Variants in LDHD observed in about 807,000 individuals in gnomAD.
The protein encoded by LDHD is lactate dehydrogenase D.
In LDHD, 58 loss-of-function variants were observed where a neutral mutation model predicts 52.9. The observed-to-expected ratio is 1.10, with a 90% confidence interval of 0.89 to 1.36. The LOEUF (loss-of-function observed/expected upper bound fraction) is 1.36, where lower values mean the gene tolerates loss of function less well. LDHD is among the 40% of genes most tolerant of loss of function. The probability of loss-of-function intolerance (pLI) is 0.00; values close to 1 mark genes in which losing one functional copy is unlikely to be tolerated. For missense variants in LDHD, 747 were observed against 668.0 expected (o/e 1.12, Z -1.30); for synonymous variants, 350 against 288.6 (o/e 1.21, Z -2.16).
chr16:75,115,533 C>T lies in LDHD; in HGVS notation c.185+15G>A. 1 of 1,608,086 alleles carries T rather than the reference C, an allele frequency of 6.2e-7. No homozygotes were observed. Among genetic ancestry groups the T allele is most frequent in the Non-Finnish European group, 8.5e-7 (1 of 1,175,660 alleles). On this transcript the variant is annotated intron_variant, in intron 2 of 10. Transcript: ENST00000450168. ...ATCCAGAAGACAGGGGAGGGGCCCGCGAACCCTCCCATACCTGTGCACCGA... is the reference window on the plus strand; with the variant it reads ...ATCCAGAAGACAGGGGAGGGGCCCGTGAACCCTCCCATACCTGTGCACCGA...
intron 1 of LDHD, 29 bp downstream of exon 1, chr16:75,116,620 T>A (rs985802823): frequency 6.3e-7 from 1 of 1,587,798 alleles, no homozygotes; most frequent in African/African-American, 1.3e-5. Context: ...ACCTCATCCC[T>A]CCAGAGGACT....
rs755437758 is a variant in LDHD at position 75,116,686 on chromosome 16, A to G, written c.35T>C (p.Leu12Pro). Residue 12 changes from leucine to proline, a missense_variant, in exon 1 of 11, where the codon CTG (leucine) becomes CCG (proline). Transcript: ENST00000450168. ...GGAGCAGTAGCCCCTCCAGGGGAACAGCTCCCAGGTTGCAGACCTGAGCAG... is the reference window on the plus strand; with the variant it reads ...GGAGCAGTAGCCCCTCCAGGGGAACGGCTCCCAGGTTGCAGACCTGAGCAG... ...ARLLRSATWE[L>P]FPWRGYCSQK... 1.2e-6 allele frequency: 2 copies of G among 1,603,598 alleles called. No homozygotes were observed. Among genetic ancestry groups the G allele is most frequent in the Non-Finnish European group, 8.5e-7 (1 of 1,175,834 alleles).
rs1233919146 is a variant in LDHD at position 75,114,170 on chromosome 16, G to C, written c.630-5C>G. 1.9e-6 allele frequency: 3 copies of C among 1,611,800 alleles called. No homozygotes were observed. The East Asian group carries it at 6.7e-5, about 36-fold the overall frequency. Reference sequence around the variant, plus strand: ...TTGTAGCCGGCTGCACTCTTCCTACGTCCCAGGGACACACAAGGTGAGTAC... The same window carrying C: ...TTGTAGCCGGCTGCACTCTTCCTACCTCCCAGGGACACACAAGGTGAGTAC... On this transcript the variant is annotated splice_polypyrimidine_tract_variant and splice_region_variant and intron_variant, in intron 5 of 10. Transcript: ENST00000450168.
chr16:75,112,973 G>C (rs1276696543), intron 8 of LDHD, 49 bp from the exon 9 acceptor site: 1 of 1,402,102 alleles, frequency 7.1e-7, no homozygotes, highest in African/African-American at 1.4e-5. Context: ...TGGGTGTACG[G>C]GGTCACCGTG....
chr16:75,116,694 G>A lies in LDHD; in HGVS notation c.27C>T (p.Thr9=). Residue 9 remains threonine, a synonymous_variant, in exon 1 of 11, where the codon ACC becomes ACT. Coordinates refer to ENST00000450168, the MANE Select transcript of LDHD (RefSeq NM_194436.3). MARLLRSA[T]WELFPWRGYC... is the part of the protein sequence containing the mutation. ...AGCCCCTCCAGGGGAACAGCTCCCAGGTTGCAGACCTGAGCAGTCGGGCCA... is the reference window on the plus strand; with the variant it reads ...AGCCCCTCCAGGGGAACAGCTCCCAAGTTGCAGACCTGAGCAGTCGGGCCA... 1.2e-6 allele frequency: 2 copies of A among 1,602,692 alleles called. No individual in the cohort carries two copies. The highest frequency in any genetic ancestry group is 8.5e-7 in the Non-Finnish European group (1 of 1,175,508).
At position 75,115,632 on chromosome 16, in the gene LDHD, G is replaced by A. The variant is rs1443900548; in HGVS notation, c.101C>T (p.Ala34Val). 2 of 1,611,606 alleles carry A rather than the reference G, an allele frequency of 1.2e-6. No individual in the cohort carries two copies. The highest frequency in any genetic ancestry group is 1.1e-5 in the South Asian group (1 of 90,884). The change falls in exon 2 of 11, where the codon GCT becomes GTT. Residue 34 changes from alanine (A) to valine (V), a missense_variant. Transcript: ENST00000450168. ...GGAGCCGCCCACCACGGCCTTCAGA[G>A]CCTCTACGAAGTCCCTGCAGAGCTC... ...KGELCRDFVE[A>V]LKAVVGGSHV...
At position 75,114,956 on chromosome 16, in the gene LDHD, C is replaced by G; in HGVS notation, c.340G>C (p.Val114Leu). The change falls in exon 4 of 11, where the codon GTT becomes CTT. Residue 114 changes from valine (V) to leucine (L), a missense_variant. Coordinates refer to ENST00000450168, the MANE Select transcript of LDHD (RefSeq NM_194436.3). ...ATTCGGTCCATATGCGTCAGGTTAA[C>G]GCAGACGCCGCCCTGGTTGGGGCAG... ...GVCAVQGGVCVNLTHMDRILE... is the reference protein window; with the variant it reads ...GVCAVQGGVCLNLTHMDRILE... The G allele has an allele frequency of 4.3e-6, 7 of 1,611,532 alleles. No homozygotes were observed. Among genetic ancestry groups the G allele is most frequent in the Middle Eastern group, 1.7e-4 (1 of 6,040 alleles).
intron 8 of LDHD, among the ~76,000 whole-genome samples, chr16:75,113,302 C>A (rs952431779): frequency 6.6e-5 from 10 of 152,228 alleles, no homozygotes; most frequent in African/African-American, 2.4e-4. Flanking sequence ...TTCCCATGAC[C>A]TGGCTCACAG....
chr16:75,112,334 G>A lies in LDHD; in HGVS notation c.*22C>T. ...CCGGCTCCGTAGTCAGGGAACTTGTGGGCTAAGTGCTCAGACCCCCTTCAC... is the reference window on the plus strand; with the variant it reads ...CCGGCTCCGTAGTCAGGGAACTTGTAGGCTAAGTGCTCAGACCCCCTTCAC... On this transcript the variant is annotated 3_prime_UTR_variant, in exon 11 of 11. Transcript: ENST00000450168. 1 of 1,584,200 alleles carries A rather than the reference G, an allele frequency of 6.3e-7. No homozygotes were observed. The highest frequency in any genetic ancestry group is 8.6e-7 in the Non-Finnish European group (1 of 1,159,826).
chr16:75,114,902 CAG>C lies in LDHD; in HGVS notation c.392_393del (p.Ser131CysfsTer113). ...RILELNQEDFSVVVEPGVTRK... is the reference protein window; with the variant it reads ...RILELNQEDFXVVVEPGVTRK... Reference sequence around the variant, plus strand: ...CGGGTGACACCTGGCTCCACCACCACAGAGAAGTCCTCCTGGTTCAGCTCCAG... The same window carrying C: ...CGGGTGACACCTGGCTCCACCACCACAGAAGTCCTCCTGGTTCAGCTCCAG... On this transcript the variant is annotated frameshift_variant, in exon 4 of 11. Transcript: ENST00000450168. LOFTEE classifies it high-confidence loss of function. The C allele has an allele frequency of 6.2e-7, 1 of 1,614,086 alleles. No individual in the cohort carries two copies. The highest frequency in any genetic ancestry group is 8.5e-7 in the Non-Finnish European group (1 of 1,180,024).
At chr16:75,115,426 G>C (rs1241863713) in intron 2 of LDHD, 87 bp from the exon 3 acceptor site, 4 of 1,595,730 alleles carry the variant, frequency 2.5e-6, no homozygotes, top group Non-Finnish European at 3.4e-6. Flanking sequence ...GCAAGCGAGG[G>C]GCAGAGAACA....
Position 75,113,610 on chromosome 16 carries a change from G to A in LDHD, c.1011C>T (p.Ala337=), listed in dbSNP as rs565098591. ...CTGTCCAAAGCCGGCTGCGCTCCTC[G>A]GCCTCCTTGGCCCAGGAGAAGTCAG... ...GASDFSWAKE[A]EERSRLWTAR... is the part of the protein sequence containing the mutation. The change falls in exon 8 of 11, where the codon GCC becomes GCT. Residue 337 remains alanine, a synonymous_variant. Coordinates refer to ENST00000450168, the MANE Select transcript of LDHD (RefSeq NM_194436.3). 10 of 1,613,086 alleles carry A rather than the reference G, an allele frequency of 6.2e-6. No individual in the cohort carries two copies. The highest frequency in any genetic ancestry group is 1.3e-5 in the African/African-American group (1 of 75,018).
chr16:75,112,611 T>C lies in LDHD; in HGVS notation c.1280A>G (p.Gln427Arg). ...CTGGCTTTGCTCCTACCTGCCCAGC[T>C]GTTCTGCAAAAGCCTTGACCCTGCC... ...ELGRVKAFAE[Q>R]LGRRALALHG... Residue 427 changes from glutamine (Q) to arginine (R), a missense_variant, in exon 10 of 11, where the codon CAG (glutamine) becomes CGG (arginine). Physicochemically the swap from Gln to Arg is conservative, Grantham distance 43 (BLOSUM62 1). Transcript: ENST00000450168. The C allele has an allele frequency of 6.2e-7, 1 of 1,614,126 alleles. No individual in the cohort carries two copies. The highest frequency in any genetic ancestry group is 1.6e-4 in the Middle Eastern group (1 of 6,062).
At position 75,112,163 on chromosome 16, in the gene LDHD, C is replaced by A. The variant is rs776872831; in HGVS notation, c.*193G>T. 1 of 656,544 alleles carries A rather than the reference C, an allele frequency of 1.5e-6. No homozygotes were observed. The highest frequency in any genetic ancestry group is 2.5e-6 in the Non-Finnish European group (1 of 399,006). The allele number at this position is 656,544 out of a possible 1,614,324, so 40.7% of individuals were successfully genotyped here. A position where few individuals can be genotyped will look rare whatever the true frequency, so the allele number is the denominator to read the frequency against. ...CTGAACCAAAGGCTCCTGGGGCCAG[C>A]CAGAGGGCCAGGGAGGTAACACGGT... On this transcript the variant is annotated 3_prime_UTR_variant, in exon 11 of 11. Coordinates refer to ENST00000450168, the MANE Select transcript of LDHD (RefSeq NM_194436.3).
At chr16:75,115,011 T>C (rs749305063) in intron 3 of LDHD, 43 bp from the exon 4 acceptor site, 2 of 1,582,824 alleles carry the variant, frequency 1.3e-6, no homozygotes, top group Non-Finnish European at 1.7e-6. Flanking sequence ...CCTGGGTCTC[T>C]GACCTGGCCA....
intron 5 of LDHD, 99 bp downstream of exon 5, chr16:75,114,427 G>C: frequency 7.3e-7 from 1 of 1,377,094 alleles, no homozygotes; most frequent in African/African-American, 1.5e-5. Flanking sequence ...GCCAAACCAG[G>C]GGGCCGCCAG....
intron 10 of LDHD, 21 bp downstream of exon 10, chr16:75,112,581 C>T: frequency 6.2e-7 from 1 of 1,613,888 alleles, no homozygotes; most frequent in Non-Finnish European, 8.5e-7. Context: ...CAGCTCTTCC[C>T]CTCCCTGGCT....
rs2036471449 is a variant in LDHD at position 75,113,887 on chromosome 16, G to A, written c.830-17C>T. 6.2e-7 allele frequency: 1 copy of A among 1,613,630 alleles called. No homozygotes were observed. Among genetic ancestry groups the A allele is most frequent in the African/African-American group, 1.3e-5 (1 of 74,996 alleles). ...CCAGGAACTCTGGATCCAGGGAGAT[G>A]GCAGGCCAGGTGAGGCCTGGCCTTC... On this transcript the variant is annotated splice_polypyrimidine_tract_variant and intron_variant, in intron 6 of 10. Transcript: ENST00000450168.
chr16:75,114,507 C>T lies in LDHD; in HGVS notation c.629+19G>A. The T allele has an allele frequency of 2.7e-6, 4 of 1,497,252 alleles. No individual in the cohort carries two copies. The highest frequency in any genetic ancestry group is 3.6e-6 in the Non-Finnish European group (4 of 1,126,544). 92.7% of individuals were successfully genotyped at this position (1,497,252 alleles called of 1,614,324 possible). A position where few individuals can be genotyped will look rare whatever the true frequency, so the allele number is the denominator to read the frequency against. On this transcript the variant is annotated intron_variant, in intron 5 of 10. Transcript: ENST00000450168. ...AGTGCCCAGGGCCAGAGCCCGGGCC[C>T]CCCGCAGAGGGCGCTCACCGGAAAT...
Sources: gnomAD v4.1 joint callset for allele counts (sites outside exome capture counted in the v4.1 genomes callset) on GRCh38, gnomAD v4.1.1 for gene constraint, MANE v1.5 for transcripts, NCBI Gene and HGNC (gene_info 2026-07-23, HGNC 2026-07-21) for gene names.